Variants in C4BPA observed in about 807,000 individuals in gnomAD.
The protein encoded by C4BPA is C4b-binding protein alpha chain.
C4BPA carries 31 observed loss-of-function variants against 63.7 expected under a neutral mutation model. The ratio of observed to expected loss-of-function variants is 0.49; its 90% confidence interval spans 0.37 to 0.66. The LOEUF (loss-of-function observed/expected upper bound fraction) is 0.66. Among genes scored for constraint, C4BPA ranks in the 30% least tolerant of loss-of-function variants. The probability of loss-of-function intolerance (pLI) is 0.00; values close to 1 mark genes in which losing one functional copy is unlikely to be tolerated. For missense variants in C4BPA, 572 were observed against 723.3 expected (o/e 0.79, Z 2.40); for synonymous variants, 259 against 254.7 (o/e 1.02, Z -0.16).
chr1:207,129,330 G>C (rs1685113088), intron 7 of C4BPA, among the ~76,000 whole-genome samples: 2 of 149,274 alleles, frequency 1.3e-5, no homozygotes, highest in African/African-American at 4.9e-5. Context: ...TGTATAATGA[G>C]AGTCCCAGAA....
intron 9 of C4BPA, among the ~76,000 whole-genome samples, chr1:207,137,033 T>C (rs902729999): frequency 3.7e-4 from 56 of 152,388 alleles, no homozygotes; most frequent in African/African-American, 1.3e-3. Context: ...CATTTCTTCT[T>C]AAATTTATTG....
intron 7 of C4BPA, among the ~76,000 whole-genome samples, chr1:207,130,447 G>C (rs1032091302): frequency 6.6e-6 from 1 of 151,822 alleles, no homozygotes; most frequent in Non-Finnish European, 1.5e-5. Flanking sequence ...TACCCTCCTG[G>C]GTATCTACCC....
intron 4 of C4BPA, among the ~76,000 whole-genome samples, chr1:207,118,569 A>T (rs2102336309): frequency 6.6e-6 from 1 of 152,300 alleles, no homozygotes. Context: ...CGAGAATAGC[A>T]TTGGGGTAAC....
intron 5 of C4BPA, 60 bp from the exon 6 acceptor site, chr1:207,124,114 AT>A (rs1265340301): frequency 4.5e-6 from 7 of 1,556,268 alleles, no homozygotes; most frequent in Non-Finnish European, 6.2e-6. Context: ...ATTTGCATGA[AT>A]TTTAGATTTA....
At chr1:207,108,406 C>T (rs188419956) in intron 1 of C4BPA, among the ~76,000 whole-genome samples, 171 of 152,278 alleles carry the variant, frequency 1.1e-3, no homozygotes, top group Non-Finnish European at 2.2e-3. Context: ...AGGAACGACT[C>T]CTTTGTTAGA....
rs1572786078 is a variant in C4BPA, at chr1:207,124,343, G to A, written c.683G>A (p.Arg228Lys). 1 of 1,612,722 alleles carries A rather than the reference G, an allele frequency of 6.2e-7. No individual in the cohort carries two copies. The highest frequency in any genetic ancestry group is 8.5e-7 in the Non-Finnish European group (1 of 1,179,004). The change falls in exon 6 of 12, where the codon AGA becomes AAA. Residue 228 changes from arginine (R) to lysine (K), a missense_variant. Coordinates refer to ENST00000367070, the MANE Select transcript of C4BPA (RefSeq NM_000715.4). ...TVENETIGVW[R>K]PSPPTCEKIT... ...GAGAATGAAACAATAGGTGTTTGGA[G>A]ACCAAGCCCTCCTACCTGTGAAAGT...
intron 7 of C4BPA, chr1:207,127,473 C>T (rs1158278815): frequency 6.6e-6 from 1 of 152,146 alleles, no homozygotes; most frequent in African/African-American, 2.4e-5. Context: ...TATGATTATC[C>T]TTATGTTACA....
intron 1 of C4BPA, among the ~76,000 whole-genome samples, chr1:207,108,013 G>A (rs1017032389): frequency 6.6e-6 from 1 of 152,204 alleles, no homozygotes; most frequent in Non-Finnish European, 1.5e-5. Flanking sequence ...ATATTAAGTA[G>A]TGTTGGAGGA....
At chr1:207,111,265 T>C (rs780349318) in intron 1 of C4BPA, among the ~76,000 whole-genome samples, 1 of 152,226 alleles carries the variant, frequency 6.6e-6, no homozygotes, top group Non-Finnish European at 1.5e-5. Context: ...AGTCCCAGAA[T>C]GTTGGTCCTG....
At chr1:207,143,680 T>C (rs1685468782) in intron 10 of C4BPA, 138 bp from the exon 11 acceptor site, 1 of 657,000 alleles carries the variant, frequency 1.5e-6, no homozygotes, top group Non-Finnish European at 2.6e-6. Flanking sequence ...AATAAAATGC[T>C]AATATGAATG....
At chr1:207,112,778 C>G (rs1397850919) in intron 1 of C4BPA, 2 of 454,104 alleles carry the variant, frequency 4.4e-6, no homozygotes, top group Non-Finnish European at 7.7e-6. Context: ...AAAGCCCACT[C>G]CCTCCCTCCA....
rs778906295 is a variant in C4BPA at position 207,118,208 on chromosome 1, C to CTATCT, written c.428+2693_428+2694insTATCT. Among the ~76,000 whole-genome samples the CTATCT allele has an allele frequency of 9.6e-3, 716 of 74,260 alleles. 7 individuals are homozygous for CTATCT. Among genetic ancestry groups the CTATCT allele is most frequent in the Non-Finnish European group, 0.011 (422 of 37,162 alleles). The allele number at this position is 74,260 out of a possible 152,430, so 48.7% of individuals were successfully genotyped here. On this transcript the variant is annotated intron_variant, in intron 4 of 11. Coordinates refer to ENST00000367070, the MANE Select transcript of C4BPA (RefSeq NM_000715.4). ...ATCTATCTATCATCTATCTATCTAT[C>CTATCT]ATCTGTCTATCTATCTATCTATCTA...
chr1:207,125,602 C>T (rs1327043250), intron 6 of C4BPA, among the ~76,000 whole-genome samples: 2 of 152,080 alleles, frequency 1.3e-5, no homozygotes, highest in Non-Finnish European at 2.9e-5. Flanking sequence ...CTTGTGAGGA[C>T]AGAGCTTTCA....
At chr1:207,108,110 G>A (rs1454573115) in intron 1 of C4BPA, among the ~76,000 whole-genome samples, 1 of 152,020 alleles carries the variant, frequency 6.6e-6, no homozygotes, top group Non-Finnish European at 1.5e-5. Flanking sequence ...TTTGAACCTT[G>A]GGAATTTTAA....
In C4BPA at chr1:207,114,201, C is replaced by A; in HGVS notation, c.244C>A (p.Leu82Ile). Residue 82 changes from leucine to isoleucine, a missense_variant, in exon 3 of 12, where the codon CTC becomes ATC. Physicochemically the swap from Leu to Ile is conservative, Grantham distance 5 (BLOSUM62 2). This residue lies in a region of C4BPA where 465 missense variants were observed against 629.4 expected (regional missense o/e 0.74). Coordinates refer to ENST00000367070, the MANE Select transcript of C4BPA (RefSeq NM_000715.4). ...KTGTTLKYTC[L>I]PGYVRSHSTQ... ...TGGAACTACTCTGAAATACACCTGC[C>A]TCCCTGGCTACGTCAGATCCCATTC... is the stretch of plus-strand genomic sequence containing the variant. 1 of 1,613,786 alleles carries A rather than the reference C, an allele frequency of 6.2e-7. No individual in the cohort carries two copies. The highest frequency in any genetic ancestry group is 8.5e-7 in the Non-Finnish European group (1 of 1,179,768).
At chr1:207,109,247 A>G (rs555103899) in intron 1 of C4BPA, among the ~76,000 whole-genome samples, 1 of 152,308 alleles carries the variant, frequency 6.6e-6, no homozygotes, top group Admixed American at 6.5e-5. Context: ...ACTGGGGTGT[A>G]ATTAAAGTCC....
At position 207,123,397 on chromosome 1, in the gene C4BPA, A is replaced by C. The variant is rs1264147505; in HGVS notation, c.429-525A>C. ...TATCCTTGATGATGCTACAATTTGT[A>C]ATCATTCATATCTTTTGTTTTTTTC... On this transcript the variant is annotated intron_variant, in intron 4 of 11. Transcript: ENST00000367070. Among the ~76,000 whole-genome samples the C allele has an allele frequency of 4.6e-5, 7 of 152,214 alleles. No homozygotes were observed. In the East Asian group the frequency reaches 1.3e-3, roughly 29 times the overall value.
chr1:207,115,840 C>T (rs1000538847), intron 4 of C4BPA, among the ~76,000 whole-genome samples: 8 of 152,012 alleles, frequency 5.3e-5, no homozygotes, highest in African/African-American at 1.9e-4. Flanking sequence ...GAGATATTTC[C>T]ATGTTTGCGC....
chr1:207,144,509 G>A (rs769978069), intron 11 of C4BPA, 35 bp from the exon 12 acceptor site: 2 of 1,543,128 alleles, frequency 1.3e-6, no homozygotes, highest in South Asian at 2.5e-5. Context: ...TAGAAGAGAA[G>A]CTTCTCAATC....
Sources: gnomAD v4.1 joint callset for allele counts (sites outside exome capture counted in the v4.1 genomes callset) on GRCh38, gnomAD v4.1.1 for gene constraint, gnomAD v4.1.1 regional missense constraint, MANE v1.5 for transcripts, NCBI Gene and HGNC (gene_info 2026-07-23, HGNC 2026-07-21) for gene names.